The following ITGBL1 variants were observed in gnomAD, a reference collection of about 807,000 sequenced individuals.
The protein encoded by ITGBL1 is integrin subunit beta like 1.
In ITGBL1, 51 loss-of-function variants were observed where a neutral mutation model predicts 68.5. That is an observed-to-expected ratio of 0.74 (90% confidence interval 0.59 to 0.94). The LOEUF is 0.94. Ranked by LOEUF, ITGBL1 falls within the 40% of genes least tolerant of loss-of-function variation. The probability of loss-of-function intolerance (pLI) is 0.00; values close to 1 mark genes in which losing one functional copy is unlikely to be tolerated. For synonymous variants in ITGBL1, 209 were observed against 227.3 expected, an observed-to-expected ratio of 0.92 and a Z score of 0.72; for missense variants, 649 against 647.4, an observed-to-expected ratio of 1.00 and a Z score of -0.03.
At chr13:101,587,409 C>T (rs150117366) in intron 6 of ITGBL1, among the ~76,000 whole-genome samples, 1 of 152,168 alleles carries the variant, frequency 6.6e-6, no homozygotes, top group African/African-American at 2.4e-5. Flanking sequence ...ACGCACCCCT[C>T]AAAGACAATA....
At chr13:101,620,178 G>C (rs529055940) in intron 7 of ITGBL1, among the ~76,000 whole-genome samples, 1 of 152,086 alleles carries the variant, frequency 6.6e-6, no homozygotes, top group Non-Finnish European at 1.5e-5. Flanking sequence ...ATTGCAATTT[G>C]GGATGCATGT....
chr13:101,622,915 A>ATGTGTGTGTGTGTGTGTG (rs59267168), intron 7 of ITGBL1, among the ~76,000 whole-genome samples: 11 of 148,514 alleles, frequency 7.4e-5, no homozygotes, highest in African/African-American at 2.7e-4. Context: ...TGGGGTATGT[A>ATGTGTGTGTGTGTGTGTG]TGTGTGTGTG....
At chr13:101,644,893 G>C (rs2032509641) in intron 7 of ITGBL1, among the ~76,000 whole-genome samples, 1 of 152,074 alleles carries the variant, frequency 6.6e-6, no homozygotes. Flanking sequence ...CTAGATTCTT[G>C]GAGAGAAAAT....
chr13:101,714,781 A>T, intron 10 of ITGBL1: 1 of 524,876 alleles, frequency 1.9e-6, no homozygotes. Context: ...ATTATTTGGG[A>T]TCCTTCCACA....
At chr13:101,569,520 A>G (rs945694368) in intron 3 of ITGBL1, among the ~76,000 whole-genome samples, 1 of 152,152 alleles carries the variant, frequency 6.6e-6, no homozygotes, top group African/African-American at 2.4e-5. Flanking sequence ...CAAGGGACCC[A>G]GTAATGTCCT....
intron 2 of ITGBL1, among the ~76,000 whole-genome samples, chr13:101,486,038 A>T (rs1457127603): frequency 6.6e-6 from 1 of 152,178 alleles, no homozygotes; most frequent in African/African-American, 2.4e-5. Context: ...GAAAAAGATA[A>T]ACGCACACAT....
chr13:101,630,487 T>C (rs976996187), intron 7 of ITGBL1, among the ~76,000 whole-genome samples: 2 of 152,178 alleles, frequency 1.3e-5, no homozygotes, highest in Non-Finnish European at 2.9e-5. Flanking sequence ...CATGGTAAGT[T>C]GTTTCTAACT....
chr13:101,605,694 A>G (rs1194615276), intron 7 of ITGBL1, among the ~76,000 whole-genome samples: 2 of 151,618 alleles, frequency 1.3e-5, no homozygotes, highest in East Asian at 1.9e-4. Context: ...GTATACACGT[A>G]TGTAGACTTA....
intron 5 of ITGBL1, among the ~76,000 whole-genome samples, chr13:101,581,239 G>C (rs888257943): frequency 6.6e-6 from 1 of 152,074 alleles, no homozygotes; most frequent in South Asian, 2.1e-4. Flanking sequence ...CCCTTTACAC[G>C]TGGCTGAGAA....
intron 7 of ITGBL1, among the ~76,000 whole-genome samples, chr13:101,661,022 G>GAAACAGGACTAAGGAAACAACAACA (rs1326179044): frequency 6.6e-6 from 1 of 151,986 alleles, no homozygotes; most frequent in Non-Finnish European, 1.5e-5. Flanking sequence ...AAAGAAATAT[G>GAAACAGGACTAAGGAAACAACAACA]AAACAGGACT....
intron 7 of ITGBL1, among the ~76,000 whole-genome samples, chr13:101,665,017 A>T (rs2033180295): frequency 6.6e-6 from 1 of 152,202 alleles, no homozygotes; most frequent in South Asian, 2.1e-4. Context: ...TACAGGCATG[A>T]GCCACCTCAC....
intron 7 of ITGBL1, among the ~76,000 whole-genome samples, chr13:101,672,278 T>C (rs2033397676): frequency 6.6e-6 from 1 of 152,248 alleles, no homozygotes; most frequent in Admixed American, 6.5e-5. Flanking sequence ...AGACTGGATC[T>C]TGAATTCTTC....
rs1475634367 is a variant in ITGBL1 at position 101,452,874 on chromosome 13, C to T, written c.41C>T (p.Ser14Phe). Reference sequence around the variant, plus strand: ...TTCAGGAACTTCTTGCTGCTGGCGTCCTCCCTTCTCTTTGCTGGGTTGTCA... The same window carrying T: ...TTCAGGAACTTCTTGCTGCTGGCGTTCTCCCTTCTCTTTGCTGGGTTGTCA... ...PGFRNFLLLASSLLFAGLSAV... is the reference protein window; with the variant it reads ...PGFRNFLLLAFSLLFAGLSAV... The change falls in exon 1 of 11, where the codon TCC becomes TTC. Residue 14 changes from serine (S) to phenylalanine (F), a missense_variant. By Grantham distance (155) the Ser-to-Phe change is radical. Transcript: ENST00000376180. 1.9e-6 allele frequency: 3 copies of T among 1,614,200 alleles called. No individual in the cohort carries two copies. Among genetic ancestry groups the T allele is most frequent in the African/African-American group, 1.3e-5 (1 of 75,062 alleles).
intron 7 of ITGBL1, among the ~76,000 whole-genome samples, chr13:101,645,841 T>C (rs565297840): frequency 5.9e-5 from 9 of 152,192 alleles, no homozygotes; most frequent in Non-Finnish European, 1.0e-4. Context: ...TCATATTTTG[T>C]GTTCTGGGAT....
chr13:101,579,348 T>G lies in ITGBL1; in HGVS notation c.648T>G (p.Cys216Trp). ...YCKAGWHGDK[C>W]EFQCDITPWE... Reference sequence around the variant, plus strand: ...AGGCTGGTTGGCATGGAGATAAATGTGAATTCCAGTGCGATATCACCCCCT... The same window carrying G: ...AGGCTGGTTGGCATGGAGATAAATGGGAATTCCAGTGCGATATCACCCCCT... Residue 216 changes from cysteine to tryptophan, a missense_variant, in exon 5 of 11, where the codon TGT (cysteine) becomes TGG (tryptophan). Transcript: ENST00000376180. The G allele has an allele frequency of 6.2e-7, 1 of 1,613,986 alleles. No individual in the cohort carries two copies. Among genetic ancestry groups the G allele is most frequent in the Non-Finnish European group, 8.5e-7 (1 of 1,179,912 alleles).
intron 8 of ITGBL1, among the ~76,000 whole-genome samples, chr13:101,703,056 C>G (rs1191121592): frequency 1.3e-5 from 2 of 152,090 alleles, no homozygotes. Context: ...GTGTTAGGCA[C>G]TCTGAAGACT....
At position 101,699,916 on chromosome 13, in the gene ITGBL1, C is replaced by T. The variant is rs182023208; in HGVS notation, c.1133-6840C>T. ...CTTAGTAGACCTCCAGTATGGGACA[C>T]GCTCCTTTGTCATTTCATGAGACAA... On this transcript the variant is annotated intron_variant, in intron 8 of 10. Coordinates refer to ENST00000376180, the MANE Select transcript of ITGBL1 (RefSeq NM_004791.3). 2.2e-3 allele frequency among the ~76,000 whole-genome samples: 331 copies of T among 152,258 alleles called. 2 individuals carry two copies. Among genetic ancestry groups the T allele is most frequent in the African/African-American group, 7.5e-3 (310 of 41,550 alleles).
At chr13:101,567,557 C>T (rs1171775595) in intron 2 of ITGBL1, 142 bp from the exon 3 acceptor site, 13 of 599,128 alleles carry the variant, frequency 2.2e-5, no homozygotes, top group Non-Finnish European at 3.7e-5. Context: ...AATAGCATTA[C>T]CCCTCAGCCA....
At chr13:101,584,228 A>G (rs2050512990) in intron 6 of ITGBL1, among the ~76,000 whole-genome samples, 2 of 152,230 alleles carry the variant, frequency 1.3e-5, no homozygotes, top group Admixed American at 1.3e-4. Flanking sequence ...GGAGACAGCC[A>G]TGAACTTTGA....
Sources: gnomAD v4.1 joint callset for allele counts (sites outside exome capture counted in the v4.1 genomes callset) on GRCh38, gnomAD v4.1.1 for gene constraint, MANE v1.5 for transcripts, NCBI Gene and HGNC (gene_info 2026-07-23, HGNC 2026-07-21) for gene names.